PIGU: variants seen among roughly 807,000 people sequenced by gnomAD.
PIGU encodes the protein phosphatidylinositol glycan anchor biosynthesis class U.
Under a neutral mutation model 49.9 loss-of-function variants are expected in PIGU, and 24 were observed. That is an observed-to-expected ratio of 0.48 (90% confidence interval 0.35 to 0.68). The LOEUF (loss-of-function observed/expected upper bound fraction) is 0.68. Ranked by LOEUF, PIGU falls within the 30% of genes least tolerant of loss-of-function variation. The pLI is 0.01. For synonymous variants in PIGU, 220 were observed against 205.7 expected, an observed-to-expected ratio of 1.07 and a Z score of -0.59; for missense variants, 490 against 532.6, an observed-to-expected ratio of 0.92 and a Z score of 0.79.
At chr20:34,659,315 C>T (rs1228686168) in intron 1 of PIGU, among the ~76,000 whole-genome samples, 1 of 146,914 alleles carries the variant, frequency 6.8e-6, no homozygotes, top group Admixed American at 6.7e-5. Flanking sequence ...GGGTCAGCCC[C>T]CCGCCCGGCC....
At chr20:34,600,933 C>T (rs1984392479) in intron 7 of PIGU, among the ~76,000 whole-genome samples, 1 of 151,816 alleles carries the variant, frequency 6.6e-6, no homozygotes, top group Admixed American at 6.6e-5. Flanking sequence ...ATTCGGGAGG[C>T]TAAGGCAGGA....
intron 1 of PIGU, among the ~76,000 whole-genome samples, chr20:34,662,401 T>C (rs1388039985): frequency 6.7e-6 from 1 of 150,320 alleles, no homozygotes; most frequent in East Asian, 1.9e-4. Flanking sequence ...TTTGCCTTTT[T>C]TTTTTTTTTT....
intron 11 of PIGU, among the ~76,000 whole-genome samples, chr20:34,572,412 C>T (rs551802320): frequency 8.6e-5 from 13 of 151,956 alleles, no homozygotes; most frequent in South Asian, 4.2e-4. Flanking sequence ...TTTGGGAGGT[C>T]GAGGCGGGCA....
At chr20:34,631,091 T>C (rs1327580923) in intron 6 of PIGU, among the ~76,000 whole-genome samples, 2 of 151,526 alleles carry the variant, frequency 1.3e-5, no homozygotes, top group Admixed American at 6.6e-5. Context: ...TGAAAATATA[T>C]ATGTATAATC....
chr20:34,589,973 T>C (rs1257420106), intron 7 of PIGU, among the ~76,000 whole-genome samples: 1 of 152,018 alleles, frequency 6.6e-6, no homozygotes. Flanking sequence ...TTTTATTAAG[T>C]ATGACAACAG....
At position 34,645,270 on chromosome 20, in the gene PIGU, C is replaced by A; in HGVS notation, c.255+5G>T. On this transcript the variant is annotated splice_donor_5th_base_variant and intron_variant, in intron 3 of 11. Transcript: ENST00000217446. ...CATATCAATTTTATATGGAAGGTTACTTACCATAAACACCAATTCAGCATA... is the reference window on the plus strand; with the variant it reads ...CATATCAATTTTATATGGAAGGTTAATTACCATAAACACCAATTCAGCATA... The A allele has an allele frequency of 1.3e-6, 2 of 1,549,834 alleles. No individual in the cohort carries two copies. Among genetic ancestry groups the A allele is most frequent in the Non-Finnish European group, 1.7e-6 (2 of 1,154,470 alleles).
intron 9 of PIGU, among the ~76,000 whole-genome samples, chr20:34,583,168 C>T (rs1306594166): frequency 6.6e-6 from 1 of 152,240 alleles, no homozygotes; most frequent in Non-Finnish European, 1.5e-5. Flanking sequence ...AGAAACGCAG[C>T]TTGGCAAAGG....
chr20:34,581,721 C>G, intron 9 of PIGU, 49 bp from the exon 10 acceptor site: 1 of 1,597,360 alleles, frequency 6.3e-7, no homozygotes, highest in Admixed American at 1.7e-5. Flanking sequence ...AGGGACCAGG[C>G]CTACCCTAGA....
chr20:34,568,664 G>A (rs997265603), intron 11 of PIGU, among the ~76,000 whole-genome samples: 24 of 152,214 alleles, frequency 1.6e-4, no homozygotes, highest in African/African-American at 5.3e-4. Flanking sequence ...GCAACTCCGG[G>A]AGACAGGATT....
intron 1 of PIGU, among the ~76,000 whole-genome samples, chr20:34,668,241 T>C (rs1987163925): frequency 6.6e-6 from 1 of 151,792 alleles, no homozygotes; most frequent in Non-Finnish European, 1.5e-5. Flanking sequence ...GGCAGGTGGA[T>C]CACCTGAGGT....
intron 6 of PIGU, among the ~76,000 whole-genome samples, chr20:34,620,503 C>T (rs142294153): frequency 9.2e-5 from 14 of 152,178 alleles, no homozygotes; most frequent in Admixed American, 9.2e-4. Context: ...GTACTGTATC[C>T]TCTGCATCAA....
chr20:34,630,345 A>C (rs1350856564), intron 6 of PIGU, among the ~76,000 whole-genome samples: 1 of 152,154 alleles, frequency 6.6e-6, no homozygotes, highest in African/African-American at 2.4e-5. Context: ...CTCCAGACTG[A>C]AACCAGCCAC....
At chr20:34,578,745 C>T (rs1983337710) in intron 10 of PIGU, among the ~76,000 whole-genome samples, 1 of 152,142 alleles carries the variant, frequency 6.6e-6, no homozygotes, top group Admixed American at 6.5e-5. Context: ...GGCTGACAGG[C>T]CAGAAGATTA....
chr20:34,657,109 A>G, intron 2 of PIGU, 71 bp downstream of exon 2: 3 of 1,177,710 alleles, frequency 2.5e-6, no homozygotes, highest in Non-Finnish European at 3.7e-6. Context: ...TGTACAAAAC[A>G]GAGGTTAGGC....
chr20:34,661,205 T>C (rs1026736843), intron 1 of PIGU, among the ~76,000 whole-genome samples: 1 of 152,206 alleles, frequency 6.6e-6, no homozygotes, highest in Non-Finnish European at 1.5e-5. Context: ...CTTTTACTTA[T>C]TTTCCTTTGC....
chr20:34,562,299 A>C, intron 11 of PIGU: 1 of 578,840 alleles, frequency 1.7e-6, no homozygotes, highest in Non-Finnish European at 2.2e-6. Context: ...GAGGCCTCAG[A>C]GGATTGGCAC....
chr20:34,670,094 T>C (rs1987259039), intron 1 of PIGU, among the ~76,000 whole-genome samples: 1 of 152,174 alleles, frequency 6.6e-6, no homozygotes, highest in Non-Finnish European at 1.5e-5. Flanking sequence ...GATTCTTGAC[T>C]TGGATGACAG....
chr20:34,614,847 T>C lies in PIGU; in HGVS notation c.627+1195A>G, dbSNP rs145868976. Among the ~76,000 whole-genome samples, 1,255 of 152,298 alleles carry C rather than the reference T, an allele frequency of 8.2e-3. 24 individuals carry two copies. The highest frequency in any genetic ancestry group is 0.029 in the African/African-American group (1,214 of 41,544). ...AATACACACTCAGCTTTAGCAGTGC[T>C]TGTGATTAAGAAAGGCTCTGAAATC... On this transcript the variant is annotated intron_variant, in intron 7 of 11. Transcript: ENST00000217446.
At chr20:34,665,261 TG>T (rs1205815250) in intron 1 of PIGU, among the ~76,000 whole-genome samples, 1 of 132,742 alleles carries the variant, frequency 7.5e-6, no homozygotes, top group Non-Finnish European at 1.6e-5. Flanking sequence ...TGGAGTGCAG[TG>T]GCGCGATCTC....
Sources: gnomAD v4.1 joint callset for allele counts (sites outside exome capture counted in the v4.1 genomes callset) on GRCh38, gnomAD v4.1.1 for gene constraint, MANE v1.5 for transcripts, NCBI Gene and HGNC (gene_info 2026-07-23, HGNC 2026-07-21) for gene names.